Variants in CDH13 observed in about 807,000 individuals in gnomAD.
The protein encoded by CDH13 is cadherin-13.
CDH13 carries 24 observed loss-of-function variants against 63.8 expected under a neutral mutation model. The ratio of observed to expected loss-of-function variants is 0.38; its 90% CI spans 0.27 to 0.53. CDH13 has a LOEUF of 0.53. Among genes scored for constraint, CDH13 ranks in the 20% least tolerant of loss-of-function variants. CDH13 has a pLI of 0.85. For missense variants in CDH13, 1,049 were observed against 903.1 expected (o/e 1.16, Z -2.07); for synonymous variants, 503 against 355.3 (o/e 1.42, Z -4.67).
At chr16:82,962,552 A>T (rs1705486184) in intron 2 of CDH13, among the ~76,000 whole-genome samples, 1 of 152,186 alleles carries the variant, frequency 6.6e-6, no homozygotes, top group Non-Finnish European at 1.5e-5. Context: ...AAGGGATAGG[A>T]TGCATGCAAC....
intron 2 of CDH13, among the ~76,000 whole-genome samples, chr16:83,010,158 A>AAAAAAAAAC (rs1555561348): frequency 7.3e-6 from 1 of 136,728 alleles, no homozygotes; most frequent in African/African-American, 2.7e-5. Context: ...AAAAAAAAAA[A>AAAAAAAAAC]AAAACAAGAA....
intron 6 of CDH13, among the ~76,000 whole-genome samples, chr16:83,442,724 G>C (rs554754072): frequency 3.6e-4 from 55 of 152,140 alleles, no homozygotes; most frequent in Non-Finnish European, 7.1e-4. Flanking sequence ...AACTTCATTG[G>C]GAACAGTGAT....
At position 82,784,558 on chromosome 16, in the gene CDH13, C is replaced by T. The variant is rs190757826; in HGVS notation, c.46-73804C>T. 1.1e-4 allele frequency among the ~76,000 whole-genome samples: 16 copies of T among 152,262 alleles called. No individual in the cohort carries two copies. In the East Asian group the frequency reaches 3.1e-3, roughly 29 times the overall value. On this transcript the variant is annotated intron_variant, in intron 1 of 13. Coordinates refer to ENST00000567109, the MANE Select transcript of CDH13 (RefSeq NM_001257.5). The stretch of plus-strand genomic sequence containing the variant: ...TGAGGATACAGCTGTCCACAGAATA[C>T]CCACGGTCCTTGCCCACACATGGTT...
rs563761931 is a variant in CDH13, at chr16:83,242,202, T to C, written c.636+24705T>C. ...ATTGAGCTAGATATTTGTCTTCATG[T>C]CAATACATACAATTTTGATTACCAT... On this transcript the variant is annotated intron_variant, in intron 5 of 13. Transcript: ENST00000567109. Among the ~76,000 whole-genome samples the C allele has an allele frequency of 1.2e-4, 18 of 152,326 alleles. No individual in the cohort carries two copies. In the South Asian group the frequency reaches 2.7e-3, roughly 23 times the overall value.
chr16:83,472,703 A>C (rs1024077544), intron 6 of CDH13, among the ~76,000 whole-genome samples: 2 of 152,204 alleles, frequency 1.3e-5, no homozygotes, highest in Non-Finnish European at 2.9e-5. Context: ...AGAAATGAAC[A>C]CATGGGGAAG....
intron 4 of CDH13, among the ~76,000 whole-genome samples, chr16:83,141,830 T>C (rs1410854924): frequency 2.6e-5 from 4 of 152,220 alleles, no homozygotes; most frequent in African/African-American, 9.6e-5. Context: ...TCCATGTCCC[T>C]GCAAAGGACA....
intron 1 of CDH13, among the ~76,000 whole-genome samples, chr16:82,715,523 C>T (rs2032303454): frequency 1.3e-5 from 2 of 152,154 alleles, no homozygotes; most frequent in South Asian, 2.1e-4. Flanking sequence ...TTGCACACAA[C>T]AATAATCTCC....
At chr16:82,968,872 C>A (rs1908271654) in intron 2 of CDH13, among the ~76,000 whole-genome samples, 1 of 152,162 alleles carries the variant, frequency 6.6e-6, no homozygotes, top group Non-Finnish European at 1.5e-5. Context: ...GTAATCCCAG[C>A]AGTTTGGGAG....
chr16:82,705,404 C>T (rs1436480144), intron 1 of CDH13: 5 of 267,582 alleles, frequency 1.9e-5, no homozygotes, highest in South Asian at 7.8e-5. Context: ...GCCACACAAT[C>T]GCCTCTAGTG....
chr16:82,682,818 T>G (rs1448678572), intron 1 of CDH13, among the ~76,000 whole-genome samples: 1 of 152,196 alleles, frequency 6.6e-6, no homozygotes, highest in Non-Finnish European at 1.5e-5. Flanking sequence ...CTTGTAATTT[T>G]CCGAAGTCTG....
intron 2 of CDH13, among the ~76,000 whole-genome samples, chr16:82,979,692 C>T (rs967173260): frequency 6.6e-6 from 1 of 152,108 alleles, no homozygotes; most frequent in African/African-American, 2.4e-5. Context: ...TATAAATTAC[C>T]CAGTCTTAGG....
intron 6 of CDH13, among the ~76,000 whole-genome samples, chr16:83,365,002 C>G (rs1347296487): frequency 2.6e-5 from 4 of 152,188 alleles, no homozygotes; most frequent in Admixed American, 2.0e-4. Context: ...ATAGGTGCAG[C>G]AAACCACCAT....
intron 6 of CDH13, among the ~76,000 whole-genome samples, chr16:83,352,573 A>G (rs1304305611): frequency 2.0e-5 from 3 of 152,178 alleles, no homozygotes; most frequent in Non-Finnish European, 4.4e-5. Context: ...CACACACACA[A>G]TGGAATACTA....
chr16:82,782,565 AAT>A (rs1555515528), intron 1 of CDH13, among the ~76,000 whole-genome samples: 5 of 132,682 alleles, frequency 3.8e-5, no homozygotes, highest in African/African-American at 3.0e-5. Context: ...AAAAAAAAAA[AAT>A]AATAATAAAC....
At chr16:82,980,360 C>T (rs1910101011) in intron 2 of CDH13, among the ~76,000 whole-genome samples, 1 of 152,150 alleles carries the variant, frequency 6.6e-6, no homozygotes, top group Non-Finnish European at 1.5e-5. Flanking sequence ...AGACCAATCT[C>T]CAGGGACCAA....
intron 3 of CDH13, among the ~76,000 whole-genome samples, chr16:83,099,847 C>T (rs12931761): frequency 0.32 from 48,148 of 151,958 alleles, 8,771 homozygotes; most frequent in Middle Eastern, 0.54. Flanking sequence ...CGCGGGAGAG[C>T]ACTCAGTAAG....
At chr16:82,669,067 G>A (rs559087976) in intron 1 of CDH13, among the ~76,000 whole-genome samples, 1 of 152,294 alleles carries the variant, frequency 6.6e-6, no homozygotes, top group Admixed American at 6.5e-5. Flanking sequence ...ACAAGCCACG[G>A]ATGAGCCTTG....
chr16:83,025,636 A>G (rs1197254645), intron 2 of CDH13, among the ~76,000 whole-genome samples: 2 of 152,164 alleles, frequency 1.3e-5, no homozygotes, highest in Non-Finnish European at 2.9e-5. Context: ...GCCAAACCAT[A>G]TCAGGTGGTT....
At chr16:82,950,263 T>A (rs1256824619) in intron 2 of CDH13, among the ~76,000 whole-genome samples, 1 of 152,086 alleles carries the variant, frequency 6.6e-6, no homozygotes, top group Non-Finnish European at 1.5e-5. Context: ...ATCATCCCAA[T>A]CTCAACCTTC....
Sources: allele counts gnomAD v4.1 joint callset (sites outside exome capture counted in the v4.1 genomes callset), GRCh38; gene constraint gnomAD v4.1.1; transcripts MANE v1.5; gene names NCBI Gene and HGNC (gene_info 2026-07-23, HGNC 2026-07-21).